Variants in GRM8 observed in about 807,000 individuals in gnomAD.
GRM8 encodes metabotropic glutamate receptor 8.
GRM8 carries 47 observed loss-of-function variants against 87.2 expected under a neutral mutation model. The ratio of observed to expected loss-of-function variants is 0.54; its 90% confidence interval spans 0.43 to 0.69. The LOEUF is 0.69. GRM8 is among the 30% of genes least tolerant of loss of function. The pLI, the probability that GRM8 is intolerant of heterozygous loss-of-function variation, is 0.00. For synonymous variants in GRM8, 396 were observed against 404.5 expected (o/e 0.98, Z 0.25); for missense variants, 1,019 against 1,139.2 (o/e 0.89, Z 1.52).
intron 2 of GRM8, among the ~76,000 whole-genome samples, chr7:127,146,211 T>C (rs1828545983): frequency 6.6e-6 from 1 of 152,078 alleles, no homozygotes; most frequent in African/African-American, 2.4e-5. Context: ...ATAGGTCTCA[T>C]AGGGTAGCCA....
intron 3 of GRM8, among the ~76,000 whole-genome samples, chr7:126,917,169 G>T (rs1217833240): frequency 6.6e-6 from 1 of 152,090 alleles, no homozygotes; most frequent in Non-Finnish European, 1.5e-5. Context: ...GGAGATAGGG[G>T]TCTTGCTATG....
At position 127,140,857 on chromosome 7, in the gene GRM8, C is replaced by T. The variant is rs190066743; in HGVS notation, c.511-34145G>A. ...GTGCCTTGAGCTGCAGACAAAGTCTCCATTTATCACTCCATGTTGATAATG... is the reference window on the plus strand; with the variant it reads ...GTGCCTTGAGCTGCAGACAAAGTCTTCATTTATCACTCCATGTTGATAATG... On this transcript the variant is annotated intron_variant, in intron 2 of 10. Coordinates refer to ENST00000339582, the MANE Select transcript of GRM8 (RefSeq NM_000845.3). Among the ~76,000 whole-genome samples, 10 of 152,114 alleles carry T rather than the reference C, an allele frequency of 6.6e-5. No individual in the cohort carries two copies. The East Asian group carries it at 1.9e-3, about 30-fold the overall frequency.
intron 8 of GRM8, among the ~76,000 whole-genome samples, chr7:126,590,032 C>G (rs1213286453): frequency 6.6e-6 from 1 of 151,668 alleles, no homozygotes; most frequent in Admixed American, 6.6e-5. Flanking sequence ...TGAAGAAAGT[C>G]TTGATATGCC....
intron 3 of GRM8, among the ~76,000 whole-genome samples, chr7:126,993,067 C>T (rs1812831264): frequency 6.6e-6 from 1 of 152,114 alleles, no homozygotes; most frequent in Non-Finnish European, 1.5e-5. Context: ...ATATACAGTG[C>T]TCATGGATCA....
At chr7:127,249,785 T>G (rs946879682) in intron 1 of GRM8, among the ~76,000 whole-genome samples, 2 of 152,168 alleles carry the variant, frequency 1.3e-5, no homozygotes, top group African/African-American at 2.4e-5. Flanking sequence ...GAAGTGGCCG[T>G]CCCTATTGAA....
chr7:126,441,791 AG>A (rs1801493323), intron 10 of GRM8, among the ~76,000 whole-genome samples: 1 of 65,420 alleles, frequency 1.5e-5, no homozygotes, highest in African/African-American at 5.9e-5. Context: ...AAATTAACTC[AG>A]ATAGCCCTAA....
chr7:126,555,898 G>T (rs1236195542), intron 8 of GRM8, among the ~76,000 whole-genome samples: 1 of 152,172 alleles, frequency 6.6e-6, no homozygotes, highest in African/African-American at 2.4e-5. Context: ...TTGATTGACT[G>T]TAAAAGGACA....
At chr7:126,538,031 G>A (rs1199591190) in intron 8 of GRM8, among the ~76,000 whole-genome samples, 1 of 152,126 alleles carries the variant, frequency 6.6e-6, no homozygotes, top group Non-Finnish European at 1.5e-5. Context: ...AACAAATGGA[G>A]GATAGTTATA....
At chr7:126,939,336 C>G (rs1396350017) in intron 3 of GRM8, among the ~76,000 whole-genome samples, 1 of 152,134 alleles carries the variant, frequency 6.6e-6, no homozygotes, top group Non-Finnish European at 1.5e-5. Context: ...CTGAGTCCAC[C>G]TAAATAAGAA....
intron 6 of GRM8, among the ~76,000 whole-genome samples, chr7:126,873,793 T>C (rs1037734876): frequency 1.3e-5 from 2 of 152,096 alleles, no homozygotes; most frequent in South Asian, 2.1e-4. Context: ...CTGAGACAGA[T>C]AGAAAATGCA....
chr7:126,513,274 A>G (rs550812340), intron 9 of GRM8, among the ~76,000 whole-genome samples: 1 of 152,268 alleles, frequency 6.6e-6, no homozygotes, highest in Non-Finnish European at 1.5e-5. Flanking sequence ...TTTAGAATGA[A>G]TGTGTGTGGT....
intron 8 of GRM8, among the ~76,000 whole-genome samples, chr7:126,588,215 G>A (rs1796345015): frequency 6.6e-6 from 1 of 152,164 alleles, no homozygotes; most frequent in African/African-American, 2.4e-5. Flanking sequence ...AATAACTTAA[G>A]AAAGACAGAG....
intron 7 of GRM8, among the ~76,000 whole-genome samples, chr7:126,720,150 ATTT>A (rs200028972): frequency 7.3e-6 from 1 of 137,884 alleles, no homozygotes; most frequent in Non-Finnish European, 1.6e-5. Context: ...TATTCTCACA[ATTT>A]TTTTTTTTTT....
intron 8 of GRM8, among the ~76,000 whole-genome samples, chr7:126,569,988 A>C (rs983539294): frequency 6.6e-6 from 1 of 152,112 alleles, no homozygotes; most frequent in Non-Finnish European, 1.5e-5. Flanking sequence ...CTCCATAGTC[A>C]CCTGAATTGA....
At chr7:126,698,229 T>C (rs938920736) in intron 7 of GRM8, among the ~76,000 whole-genome samples, 1 of 152,052 alleles carries the variant, frequency 6.6e-6, no homozygotes, top group Non-Finnish European at 1.5e-5. Context: ...ATATTAAGAG[T>C]TGTTCTTCTT....
At chr7:126,722,097 G>A (rs1011829554) in intron 7 of GRM8, among the ~76,000 whole-genome samples, 6 of 151,968 alleles carry the variant, frequency 3.9e-5, no homozygotes, top group Non-Finnish European at 8.8e-5. Context: ...AAATCTGCAC[G>A]GACACTCTAT....
At chr7:126,786,308 C>T (rs114332640) in intron 6 of GRM8, among the ~76,000 whole-genome samples, 1,707 of 152,194 alleles carry the variant, frequency 0.011, 35 homozygotes, top group African/African-American at 0.039. Flanking sequence ...CACCTACTCA[C>T]CAAATTAACG....
intron 9 of GRM8, among the ~76,000 whole-genome samples, chr7:126,452,678 T>C (rs186311506): frequency 6.6e-6 from 1 of 151,836 alleles, no homozygotes. Context: ...CAGATAAACA[T>C]AATGCCCTTT....
At chr7:126,761,408 G>C (rs1817582041) in intron 7 of GRM8, among the ~76,000 whole-genome samples, 1 of 152,058 alleles carries the variant, frequency 6.6e-6, no homozygotes, top group Non-Finnish European at 1.5e-5. Flanking sequence ...AAATAATTCT[G>C]TATTTCCTTC....
Sources: gnomAD v4.1 joint callset for allele counts (sites outside exome capture counted in the v4.1 genomes callset) on GRCh38, gnomAD v4.1.1 for gene constraint, MANE v1.5 for transcripts, NCBI Gene and HGNC (gene_info 2026-07-23, HGNC 2026-07-21) for gene names.